ESCO1: variants seen among roughly 807,000 people sequenced by gnomAD.
ESCO1 encodes establishment of sister chromatid cohesion N-acetyltransferase 1, also known as N-acetyltransferase ESCO1.
A neutral mutation model predicts 83.5 loss-of-function variants in ESCO1; 33 were observed. That is an observed-to-expected ratio of 0.40 (90% CI 0.30 to 0.53). ESCO1 has a LOEUF of 0.53. Ranked by LOEUF, ESCO1 falls within the 20% of genes least tolerant of loss-of-function variation. The pLI is 0.63. For missense variants in ESCO1, 855 were observed against 968.0 expected, an observed-to-expected ratio of 0.88 and a Z score of 1.55; for synonymous variants, 332 against 324.3, an observed-to-expected ratio of 1.02 and a Z score of -0.25.
At chr18:21,593,596 G>GCAGGGAGAGGGAGAGGGA (rs1568115698) in intron 1 of ESCO1, 4 of 9,176 alleles carry the variant, frequency 4.4e-4, no homozygotes, top group Admixed American at 3.4e-3. Flanking sequence ...GAGGGAGACC[G>GCAGGGAGAGGGAGAGGGA]TAGGGAGAGG....
chr18:21,548,894 C>T (rs751575644), intron 8 of ESCO1, among the ~76,000 whole-genome samples: 14 of 151,482 alleles, frequency 9.2e-5, no homozygotes, highest in African/African-American at 1.7e-4. Context: ...GAGCTCATCG[C>T]ACCACCGCAC....
chr18:21,573,196 G>A, intron 4 of ESCO1, 118 bp downstream of exon 4: 1 of 993,068 alleles, frequency 1.0e-6, no homozygotes, highest in South Asian at 2.1e-5. Context: ...AACTTAACAG[G>A]AGAACTTAAA....
intron 5 of ESCO1, among the ~76,000 whole-genome samples, chr18:21,566,479 GAAT>G (rs1264747063): frequency 1.3e-5 from 2 of 152,132 alleles, no homozygotes; most frequent in Non-Finnish European, 1.5e-5. Flanking sequence ...TATTAGGACT[GAAT>G]AATAAGGAAA....
At chr18:21,550,972 C>T (rs1162796340) in intron 8 of ESCO1, among the ~76,000 whole-genome samples, 1 of 151,756 alleles carries the variant, frequency 6.6e-6, no homozygotes, top group Non-Finnish European at 1.5e-5. Flanking sequence ...ATTAGCCGGG[C>T]ATGGTGGCAG....
At chr18:21,565,712 G>A (rs2038250414) in intron 6 of ESCO1, among the ~76,000 whole-genome samples, 1 of 152,162 alleles carries the variant, frequency 6.6e-6, no homozygotes, top group South Asian at 2.1e-4. Flanking sequence ...CGAGGTGGGA[G>A]AATCACTTGA....
At chr18:21,556,623 G>A (rs2038115399) in intron 8 of ESCO1, among the ~76,000 whole-genome samples, 2 of 152,098 alleles carry the variant, frequency 1.3e-5, no homozygotes, top group Admixed American at 1.3e-4. Context: ...CCGAAGAACA[G>A]TATTTTTAAT....
intron 2 of ESCO1, among the ~76,000 whole-genome samples, chr18:21,579,790 G>GCACACACACA (rs1189136936): frequency 5.0e-5 from 2 of 40,260 alleles, no homozygotes; most frequent in Non-Finnish European, 1.7e-4. Context: ...ACACACGCGC[G>GCACACACACA]CGCGCACACA....
At chr18:21,600,360 G>C (rs117113503) in intron 1 of ESCO1, among the ~76,000 whole-genome samples, 2,876 of 152,346 alleles carry the variant, frequency 0.019, 45 homozygotes, top group Non-Finnish European at 0.031. Flanking sequence ...AACTTCGACC[G>C]CCCAGCAAAC....
intron 10 of ESCO1, among the ~76,000 whole-genome samples, chr18:21,535,372 G>A (rs1412738415): frequency 1.3e-5 from 2 of 149,352 alleles, no homozygotes; most frequent in Admixed American, 6.7e-5. Flanking sequence ...ACACCACCGC[G>A]CCTGGCTATT....
chr18:21,588,646 G>T (rs2038616784), intron 1 of ESCO1, among the ~76,000 whole-genome samples: 1 of 152,148 alleles, frequency 6.6e-6, no homozygotes, highest in African/African-American at 2.4e-5. Flanking sequence ...GCCAGGTATG[G>T]TGGCTCACGC....
chr18:21,582,876 T>A (rs576784302), intron 2 of ESCO1, among the ~76,000 whole-genome samples: 1 of 152,272 alleles, frequency 6.6e-6, no homozygotes, highest in South Asian at 2.1e-4. Flanking sequence ...CTATCAAAAT[T>A]TTAAGTGCTA....
intron 1 of ESCO1, among the ~76,000 whole-genome samples, chr18:21,587,952 G>C (rs2038605342): frequency 1.3e-5 from 2 of 151,926 alleles, no homozygotes; most frequent in South Asian, 4.1e-4. Context: ...CCCTGGGTCT[G>C]GTGACACATG....
chr18:21,538,423 T>C (rs1007110227), intron 9 of ESCO1, among the ~76,000 whole-genome samples: 3 of 152,302 alleles, frequency 2.0e-5, no homozygotes, highest in Admixed American at 6.5e-5. Context: ...GAATTTACTA[T>C]TGTGCAAGAA....
At position 21,536,157 on chromosome 18, in the gene ESCO1, T is replaced by C. The variant is rs2037834478; in HGVS notation, c.2072A>G (p.Asn691Ser). 9.9e-6 allele frequency: 16 copies of C among 1,613,578 alleles called. No homozygotes were observed. Among genetic ancestry groups the C allele is most frequent in the African/African-American group, 5.3e-5 (4 of 74,922 alleles). ...KVDEIREMVD[N>S]DLGFQQAPLM... is the part of the protein sequence containing the mutation. ...TGGAGCCTGTTGAAAACCTAAATCATTGTCAACCATCTCTCTAATCTCGTC... is the reference window on the plus strand; with the variant it reads ...TGGAGCCTGTTGAAAACCTAAATCACTGTCAACCATCTCTCTAATCTCGTC... The change falls in exon 10 of 12, where the codon AAT (asparagine) becomes AGT (serine). Residue 691 changes from asparagine (N) to serine (S), a missense_variant. Asn to Ser is a conservative substitution (Grantham distance 46, BLOSUM62 1). This residue lies in a region of ESCO1 where 129 missense variants were observed against 268.5 expected (regional missense o/e 0.48). Transcript: ENST00000269214.
chr18:21,598,466 G>A (rs990116288), intron 1 of ESCO1, among the ~76,000 whole-genome samples: 3 of 151,988 alleles, frequency 2.0e-5, no homozygotes, highest in Non-Finnish European at 2.9e-5. Flanking sequence ...TTGGGAGGCC[G>A]AGGCAGGCGG....
intron 8 of ESCO1, among the ~76,000 whole-genome samples, chr18:21,557,372 G>C (rs569642079): frequency 1.4e-4 from 22 of 152,184 alleles, no homozygotes; most frequent in Non-Finnish European, 2.5e-4. Context: ...TAGTTGTACT[G>C]TTACCAATCA....
chr18:21,555,460 A>G (rs974365642), intron 8 of ESCO1, among the ~76,000 whole-genome samples: 14 of 152,202 alleles, frequency 9.2e-5, no homozygotes, highest in African/African-American at 3.4e-4. Flanking sequence ...ATGTACAACT[A>G]TGATAAGGGA....
At position 21,536,201 on chromosome 18, in the gene ESCO1, C is replaced by G. The variant is rs774100819; in HGVS notation, c.2044-16G>C. 1 of 1,602,728 alleles carries G rather than the reference C, an allele frequency of 6.2e-7. No individual in the cohort carries two copies. The highest frequency in any genetic ancestry group is 8.5e-7 in the Non-Finnish European group (1 of 1,176,464). ...TCTCGTCAACCTGCCAAATAAAGAA[C>G]AGTAATTATTTTTAAATGAAAATAT... is the stretch of plus-strand genomic sequence containing the variant. On this transcript the variant is annotated splice_polypyrimidine_tract_variant and intron_variant, in intron 9 of 11. Coordinates refer to ENST00000269214, the MANE Select transcript of ESCO1 (RefSeq NM_052911.3).
chr18:21,564,692 G>A (rs571238534), intron 6 of ESCO1, among the ~76,000 whole-genome samples: 1 of 151,496 alleles, frequency 6.6e-6, no homozygotes, highest in African/African-American at 2.4e-5. Context: ...CACCGCGCCC[G>A]GCAAAAATAA....
Sources: gnomAD v4.1 joint callset for allele counts (sites outside exome capture counted in the v4.1 genomes callset) on GRCh38, gnomAD v4.1.1 for gene constraint, gnomAD v4.1.1 regional missense constraint, MANE v1.5 for transcripts, NCBI Gene and HGNC (gene_info 2026-07-23, HGNC 2026-07-21) for gene names.